Variants in ANKRD30A observed in about 807,000 individuals in gnomAD.
ANKRD30A encodes ankyrin repeat domain 30A.
ANKRD30A carries 170 observed loss-of-function variants against 166.3 expected under a neutral mutation model. That is an observed-to-expected ratio of 1.02 (90% confidence interval 0.90 to 1.16). The LOEUF is 1.16. Among genes scored for constraint, ANKRD30A ranks in the 50% most tolerant of loss-of-function variants. The pLI, the probability that ANKRD30A is intolerant of heterozygous loss-of-function variation, is 0.00. For synonymous variants in ANKRD30A, 564 were observed against 508.9 expected, an observed-to-expected ratio of 1.11 and a Z score of -1.46; for missense variants, 1,630 against 1,518.0, an observed-to-expected ratio of 1.07 and a Z score of -1.23.
At chr10:37,215,801 A>G (rs1275859872) in intron 31 of ANKRD30A, among the ~76,000 whole-genome samples, 2 of 151,480 alleles carry the variant, frequency 1.3e-5, no homozygotes, top group African/African-American at 2.4e-5. Flanking sequence ...CATGCCACAC[A>G]CTGGCTAAAA....
chr10:37,160,599 T>A (rs1429854765), intron 15 of ANKRD30A, among the ~76,000 whole-genome samples: 2 of 152,146 alleles, frequency 1.3e-5, no homozygotes, highest in African/African-American at 2.4e-5. Flanking sequence ...GAGTCTTTTT[T>A]CTCTTTCTCT....
chr10:37,139,031 G>T (rs540097928), intron 6 of ANKRD30A, among the ~76,000 whole-genome samples: 1 of 152,304 alleles, frequency 6.6e-6, no homozygotes, highest in Admixed American at 6.5e-5. Flanking sequence ...TGATGTCTCG[G>T]CAGAAACGCT....
At chr10:37,135,097 G>A (rs1836600774) in intron 5 of ANKRD30A, 1 of 152,088 alleles carries the variant, frequency 6.6e-6, no homozygotes, top group Non-Finnish European at 1.5e-5. Flanking sequence ...TCTATCTCAA[G>A]TTTTTAAAAT....
chr10:37,197,421 T>G lies in ANKRD30A; in HGVS notation c.2657T>G (p.Met886Arg), dbSNP rs1408332267. 3 of 1,612,570 alleles carry G rather than the reference T, an allele frequency of 1.9e-6. No homozygotes were observed. In the African/African-American group the frequency reaches 4.0e-5, roughly 22 times the overall value. Residue 886 changes from methionine to arginine, a missense_variant, in exon 29 of 36, where the codon ATG becomes AGG. By Grantham distance (91) the Met-to-Arg change is moderately conservative. This residue lies in a region of ANKRD30A where 712 missense variants were observed against 629.3 expected (regional missense o/e 1.13). Transcript: ENST00000361713. Reference protein sequence around the residue: ...KPSAFEPAIEMQKSVPNKALE... With the variant: ...KPSAFEPAIERQKSVPNKALE... Reference sequence around the variant, plus strand: ...AACCCCATTTAGCCTGCCATTGAAATGCAAAAGTCTGTTCCAAATAAAGCC... The same window carrying G: ...AACCCCATTTAGCCTGCCATTGAAAGGCAAAAGTCTGTTCCAAATAAAGCC...
chr10:37,152,111 G>C lies in ANKRD30A; in HGVS notation c.1697G>C (p.Trp566Ser), dbSNP rs879019577. ...CAAAAGGACTATGAAGAAAATTCTT[G>C]GGATTCTGAGGTACTATGTGTTATT... is the stretch of plus-strand genomic sequence containing the variant. ...SKQKDYEENS[W>S]DSESLCETVS... The change falls in exon 12 of 36, where the codon TGG (tryptophan) becomes TCG (serine). Residue 566 changes from tryptophan (W) to serine (S), a missense_variant. Around this residue, in one of 4 missense-constraint regions of ANKRD30A, gnomAD observed 904 missense variants for 818.5 expected, o/e 1.10. Transcript: ENST00000361713. 2 of 1,606,308 alleles carry C rather than the reference G, an allele frequency of 1.2e-6. No homozygotes were observed. The highest frequency in any genetic ancestry group is 2.7e-5 in the African/African-American group (2 of 74,608).
At chr10:37,239,773 G>T in the ANKRD30A span, among the ~76,000 whole-genome samples, 7 of 152,104 alleles carry the variant, frequency 4.6e-5, no homozygotes, top group East Asian at 1.9e-4. Flanking sequence ...AAATAAGTAA[G>T]AATTTTAGGT....
intron 34 of ANKRD30A, among the ~76,000 whole-genome samples, 156 bp from the exon 35 acceptor site, chr10:37,231,305 C>T (rs949041388): frequency 1.3e-5 from 2 of 152,008 alleles, no homozygotes; most frequent in Non-Finnish European, 2.9e-5. Context: ...ATTGCATACA[C>T]TAGGCATGCT....
At chr10:37,137,497 G>T (rs12359236) in intron 6 of ANKRD30A, among the ~76,000 whole-genome samples, 1 of 152,128 alleles carries the variant, frequency 6.6e-6, no homozygotes, top group Non-Finnish European at 1.5e-5. Flanking sequence ...GTGACAGACG[G>T]CACCTGGAAA....
intron 15 of ANKRD30A, 57 bp from the exon 16 acceptor site, chr10:37,162,592 T>A: frequency 1.3e-6 from 2 of 1,598,456 alleles, no homozygotes; most frequent in Non-Finnish European, 1.7e-6. Flanking sequence ...GGCATTCATT[T>A]GTGGTTGGCT....
At chr10:37,252,991 T>C in the ANKRD30A span, among the ~76,000 whole-genome samples, 1 of 152,224 alleles carries the variant, frequency 6.6e-6, no homozygotes, top group African/African-American at 2.4e-5. Context: ...GAAATACTGT[T>C]ATTAGAAGGA....
At chr10:37,235,779 T>C (rs1051865230), downstream of ANKRD30A, among the ~76,000 whole-genome samples, 4 of 146,964 alleles carry the variant, frequency 2.7e-5, no homozygotes, top group Non-Finnish European at 6.0e-5. Context: ...TTTTTTTTTT[T>C]TTTTTTTTGA....
intron 3 of ANKRD30A, 149 bp downstream of exon 3, chr10:37,130,527 A>G (rs1211870404): frequency 1.8e-6 from 1 of 564,500 alleles, no homozygotes; most frequent in African/African-American, 2.0e-5. Flanking sequence ...TTTACTTTAA[A>G]TATTAATGTT....
intron 31 of ANKRD30A, among the ~76,000 whole-genome samples, chr10:37,211,039 C>T (rs1302060003): frequency 1.3e-5 from 2 of 151,988 alleles, no homozygotes; most frequent in African/African-American, 2.4e-5. Flanking sequence ...GAAGTCTTTC[C>T]CATGCCTATG....
the ANKRD30A span, among the ~76,000 whole-genome samples, chr10:37,257,289 TTCTTTATTGG>T: frequency 2.0e-5 from 3 of 152,022 alleles, no homozygotes; most frequent in Admixed American, 1.3e-4. Context: ...CTCTCTTTTC[TTCTTTATTGG>T]TCTAGCTAGT....
chr10:37,254,557 T>G, the ANKRD30A span, among the ~76,000 whole-genome samples: 44 of 152,268 alleles, frequency 2.9e-4, no homozygotes, highest in African/African-American at 9.9e-4. Context: ...TTTTTATGTT[T>G]TTTTTCTTTT....
rs1475897729 is a variant in ANKRD30A at position 37,129,909 on chromosome 10, G to T, written c.238G>T (p.Ala80Ser). ...CTCTCGTAGGACTGCTCTACACTGG[G>T]CCTGTGTCAATGGCCATGAGGAAGT... ...DAQKRTALHW[A>S]CVNGHEEVVT... The change falls in exon 2 of 36, where the codon GCC becomes TCC. Residue 80 changes from alanine (A) to serine (S), a missense_variant. Ala to Ser is a moderately conservative substitution (Grantham distance 99). This residue lies in a region of ANKRD30A where 904 missense variants were observed against 818.5 expected (regional missense o/e 1.10). Coordinates refer to ENST00000361713, the MANE Select transcript of ANKRD30A (RefSeq NM_052997.3). The T allele has an allele frequency of 5.1e-6, 8 of 1,557,424 alleles. No homozygotes were observed. Among genetic ancestry groups the T allele is most frequent in the Non-Finnish European group, 7.0e-6 (8 of 1,148,594 alleles).
chr10:37,147,492 C>T, intron 9 of ANKRD30A, 35 bp downstream of exon 9: 1 of 1,423,904 alleles, frequency 7.0e-7, no homozygotes, highest in South Asian at 1.3e-5. Context: ...AGTCTTTTAA[C>T]CATATGTTTG....
intron 11 of ANKRD30A, among the ~76,000 whole-genome samples, chr10:37,150,460 C>A (rs1002595134): frequency 8.5e-5 from 13 of 152,144 alleles, no homozygotes; most frequent in African/African-American, 2.9e-4. Context: ...AACTGTAATT[C>A]TGAAGCATTT....
chr10:37,152,715 A>G (rs527574458), intron 12 of ANKRD30A, among the ~76,000 whole-genome samples: 14 of 152,096 alleles, frequency 9.2e-5, no homozygotes, highest in Non-Finnish European at 1.8e-4. Context: ...TATTTTCACA[A>G]ATAGAACTCC....
Sources: allele counts gnomAD v4.1 joint callset (sites outside exome capture counted in the v4.1 genomes callset), GRCh38; gene constraint gnomAD v4.1.1; regional missense constraint gnomAD v4.1.1; transcripts MANE v1.5; gene names NCBI Gene and HGNC (gene_info 2026-07-23, HGNC 2026-07-21).